The following CNTN1 variants were observed in gnomAD, a reference collection of about 807,000 sequenced individuals.
CNTN1 encodes contactin 1.
CNTN1 carries 38 observed loss-of-function variants against 126.4 expected under a neutral mutation model. The ratio of observed to expected loss-of-function variants is 0.30; its 90% CI spans 0.23 to 0.39. The LOEUF (loss-of-function observed/expected upper bound fraction) is 0.39. CNTN1 is among the 10% of genes least tolerant of loss of function. The pLI, the probability that CNTN1 is intolerant of heterozygous loss-of-function variation, is 1.00. For synonymous variants in CNTN1, 413 were observed against 422.6 expected (o/e 0.98, Z 0.28); for missense variants, 1,009 against 1,248.4 (o/e 0.81, Z 2.89).
chr12:40,936,079 C>T (rs1946069770), intron 9 of CNTN1, among the ~76,000 whole-genome samples: 1 of 151,970 alleles, frequency 6.6e-6, no homozygotes. Flanking sequence ...AAAAGACTGT[C>T]AAATTGTTTA....
At chr12:40,897,009 G>C (rs1461582202) in intron 1 of CNTN1, among the ~76,000 whole-genome samples, 1 of 152,206 alleles carries the variant, frequency 6.6e-6, no homozygotes, top group Admixed American at 6.5e-5. Flanking sequence ...AACAGAGCCT[G>C]ACTTAGAAGT....
chr12:40,783,577 T>A (rs186755009), intron 1 of CNTN1, among the ~76,000 whole-genome samples: 1 of 152,248 alleles, frequency 6.6e-6, no homozygotes, highest in East Asian at 1.9e-4. Flanking sequence ...ATTGACAATG[T>A]GACTTCTCTT....
intron 1 of CNTN1, among the ~76,000 whole-genome samples, chr12:40,777,745 T>G (rs1424674089): frequency 2.0e-5 from 3 of 151,840 alleles, no homozygotes. Flanking sequence ...CGTAATGCTG[T>G]GCTTTTCAAA....
chr12:40,846,197 A>G (rs1215838356), intron 1 of CNTN1, among the ~76,000 whole-genome samples: 1 of 152,104 alleles, frequency 6.6e-6, no homozygotes, highest in East Asian at 1.9e-4. Flanking sequence ...GTGAGGGTAA[A>G]AAAAAAATGG....
intron 5 of CNTN1, among the ~76,000 whole-genome samples, chr12:40,923,920 A>G (rs1008494829): frequency 2.6e-5 from 4 of 152,178 alleles, no homozygotes; most frequent in Non-Finnish European, 5.9e-5. Context: ...AGAGAGGCAG[A>G]AAAAAATAGA....
intron 1 of CNTN1, among the ~76,000 whole-genome samples, chr12:40,774,558 C>T (rs1162491810): frequency 1.3e-5 from 2 of 151,626 alleles, no homozygotes; most frequent in Non-Finnish European, 3.0e-5. Context: ...TGATTGTCAA[C>T]TTTCATGAAT....
chr12:40,979,443 G>T (rs766716078), intron 15 of CNTN1, among the ~76,000 whole-genome samples: 1 of 151,814 alleles, frequency 6.6e-6, no homozygotes, highest in Non-Finnish European at 1.5e-5. Context: ...AAATATAAAG[G>T]TATATATTTC....
intron 1 of CNTN1, among the ~76,000 whole-genome samples, chr12:40,888,625 A>G (rs1944138092): frequency 1.3e-5 from 2 of 152,150 alleles, no homozygotes; most frequent in Admixed American, 6.6e-5. Context: ...CAACAAAAAA[A>G]GGAAGTATAT....
intron 1 of CNTN1, among the ~76,000 whole-genome samples, chr12:40,698,228 A>ATTTTTTTTTTTTTTTTTT (rs35570862): frequency 7.2e-5 from 5 of 69,866 alleles, no homozygotes; most frequent in African/African-American, 2.9e-4. Flanking sequence ...CAGCCACTTA[A>ATTTTTTTTTTTTTTTTTT]TTTTTTTTTT....
intron 1 of CNTN1, among the ~76,000 whole-genome samples, chr12:40,843,121 G>A (rs1448472514): frequency 6.6e-6 from 1 of 152,076 alleles, no homozygotes; most frequent in African/African-American, 2.4e-5. Context: ...ACTCCTTTAT[G>A]CCTTAGAAAA....
chr12:40,916,801 G>A (rs1442179), intron 3 of CNTN1, among the ~76,000 whole-genome samples: 40,698 of 151,794 alleles, frequency 0.27, 5,686 homozygotes, highest in Middle Eastern at 0.34. Context: ...TACGAGCCCT[G>A]TAAAACAAAT....
At chr12:40,868,018 G>GT (rs1228404376) in intron 1 of CNTN1, among the ~76,000 whole-genome samples, 1 of 151,578 alleles carries the variant, frequency 6.6e-6, no homozygotes, top group Non-Finnish European at 1.5e-5. Context: ...GTAATTTCTG[G>GT]TTTTAGCTTT....
At chr12:40,756,285 C>A (rs1231001283) in intron 1 of CNTN1, among the ~76,000 whole-genome samples, 1 of 151,630 alleles carries the variant, frequency 6.6e-6, no homozygotes, top group Non-Finnish European at 1.5e-5. Context: ...GAACTTAGAG[C>A]GAGTGATCTG....
At chr12:41,052,213 G>A (rs1418287591) in intron 23 of CNTN1, among the ~76,000 whole-genome samples, 1 of 152,144 alleles carries the variant, frequency 6.6e-6, no homozygotes, top group African/African-American at 2.4e-5. Context: ...CTGGTCTTAA[G>A]ACCAGAAGTA....
chr12:40,848,168 G>C (rs191045433), intron 1 of CNTN1, among the ~76,000 whole-genome samples: 245 of 152,284 alleles, frequency 1.6e-3, no homozygotes, highest in Non-Finnish European at 2.8e-3. Flanking sequence ...GGAATAGTCA[G>C]CTTTATGCCT....
At chr12:40,842,581 G>GAGAT (rs1942327164) in intron 1 of CNTN1, among the ~76,000 whole-genome samples, 1 of 152,000 alleles carries the variant, frequency 6.6e-6, no homozygotes, top group African/African-American at 2.4e-5. Flanking sequence ...TTTCCCTGAG[G>GAGAT]AGATGCTTTA....
chr12:41,046,810 C>T (rs1023713471), intron 23 of CNTN1, among the ~76,000 whole-genome samples: 1 of 150,226 alleles, frequency 6.7e-6, no homozygotes, highest in African/African-American at 2.4e-5. Flanking sequence ...CTTCTACTTT[C>T]CCCTACCCAG....
intron 1 of CNTN1, among the ~76,000 whole-genome samples, chr12:40,901,646 G>C (rs1248784414): frequency 6.6e-6 from 1 of 152,194 alleles, no homozygotes. Context: ...GTGACAGGCT[G>C]TTTGAGGGGC....
chr12:40,872,212 T>G (rs12312019), intron 1 of CNTN1, among the ~76,000 whole-genome samples: 1,721 of 113,584 alleles, frequency 0.015, 51 homozygotes, highest in African/African-American at 0.033. Flanking sequence ...GTTGCTTTGT[T>G]TGTGTGTGTG....
Sources: gnomAD v4.1 joint callset for allele counts (sites outside exome capture counted in the v4.1 genomes callset) on GRCh38, gnomAD v4.1.1 for gene constraint, MANE v1.5 for transcripts, NCBI Gene and HGNC (gene_info 2026-07-23, HGNC 2026-07-21) for gene names.